TCP10L: variants seen among roughly 807,000 people sequenced by gnomAD.
TCP10L encodes t-complex 10 like, also known as T-complex protein 10A homolog 1.
A neutral mutation model predicts 19.2 loss-of-function variants in TCP10L; 11 were observed. The ratio of observed to expected loss-of-function variants is 0.57; its 90% CI spans 0.36 to 0.95. The LOEUF is 0.95. Among genes scored for constraint, TCP10L ranks in the 40% least tolerant of loss-of-function variants. TCP10L has a pLI of 0.01. For missense variants in TCP10L, 247 were observed against 263.9 expected (o/e 0.94, Z 0.44); for synonymous variants, 96 against 97.2 (o/e 0.99, Z 0.07).
At chr21:32,583,391 C>A (rs1441077223) in intron 2 of TCP10L, among the ~76,000 whole-genome samples, 4 of 151,678 alleles carry the variant, frequency 2.6e-5, no homozygotes, top group African/African-American at 9.7e-5. Flanking sequence ...AGATCGAGAC[C>A]ATCCCGGCTA....
At position 32,582,475 on chromosome 21, in the gene TCP10L, C is replaced by T. The variant is rs2038506953; in HGVS notation, c.145-60G>A. 1 of 1,502,652 alleles carries T rather than the reference C, an allele frequency of 6.7e-7. No homozygotes were observed. The highest frequency in any genetic ancestry group is 9.1e-7 in the Non-Finnish European group (1 of 1,104,664). 93.1% of individuals were successfully genotyped at this position (1,502,652 alleles called of 1,614,324 possible). A position where few individuals can be genotyped will look rare whatever the true frequency, so the allele number is the denominator to read the frequency against. On this transcript the variant is annotated intron_variant, in intron 2 of 4. Coordinates refer to ENST00000300258, the MANE Select transcript of TCP10L (RefSeq NM_144659.7). The surrounding 1 kb of genome is among the most constrained non-coding windows in gnomAD (Gnocchi z 4.2). Reference sequence around the variant, plus strand: ...CAGATGTCACAATGGGCACATTTATCTGCAAAATACTCAAGCCCTCTCTGA... The same window carrying T: ...CAGATGTCACAATGGGCACATTTATTTGCAAAATACTCAAGCCCTCTCTGA...
chr21:32,585,316 C>G (rs1465208505), intron 1 of TCP10L, 105 bp downstream of exon 1: 1 of 283,550 alleles, frequency 3.5e-6, no homozygotes, highest in Non-Finnish European at 7.1e-6. Context: ...TTCTTTCCTG[C>G]TCCTCTGAGG....
chr21:32,578,711 T>C lies in TCP10L; in HGVS notation c.481A>G (p.Asn161Asp). 1 of 1,614,040 alleles carries C rather than the reference T, an allele frequency of 6.2e-7. No homozygotes were observed. The highest frequency in any genetic ancestry group is 8.5e-7 in the Non-Finnish European group (1 of 1,180,020). Residue 161 changes from asparagine (N) to aspartate (D), a missense_variant, in exon 4 of 5, where the codon AAT (asparagine) becomes GAT (aspartate). Transcript: ENST00000300258. The surrounding 1 kb of genome is among the most constrained non-coding windows in gnomAD (Gnocchi z 4.2). ...TLLGQRSSSN[N>D]SAPPKPMSLK... The stretch of plus-strand genomic sequence containing the variant: ...AGGGTCACCTTTGGAGGAGCTGAAT[T>C]GTTAGATGACGATCTTTGTCCCAGG...
rs2038455045 is a variant in TCP10L, at chr21:32,578,186, T to C, written c.498+508A>G. Among the ~76,000 whole-genome samples the C allele has an allele frequency of 6.6e-6, 1 of 152,234 alleles. No individual in the cohort carries two copies. The highest frequency in any genetic ancestry group is 2.1e-4 in the South Asian group (1 of 4,830). On this transcript the variant is annotated intron_variant, in intron 4 of 4. Coordinates refer to ENST00000300258, the MANE Select transcript of TCP10L (RefSeq NM_144659.7). The surrounding 1 kb of genome is among the most constrained non-coding windows in gnomAD (Gnocchi z 4.2). ...TTTGTGGCCAGTTTTGGGGCCAGTT[T>C]ATGGCCAGATCTGGGGGCCTATTCC...
At chr21:32,585,239 C>A (rs930177736) in intron 1 of TCP10L, among the ~76,000 whole-genome samples, 182 bp downstream of exon 1, 2 of 152,200 alleles carry the variant, frequency 1.3e-5, no homozygotes, top group Non-Finnish European at 2.9e-5. Flanking sequence ...TCCTTCCCCG[C>A]GGAGACTGGG....
At chr21:32,580,893 G>C (rs1170384069) in intron 3 of TCP10L, among the ~76,000 whole-genome samples, 3 of 152,196 alleles carry the variant, frequency 2.0e-5, no homozygotes, top group Non-Finnish European at 4.4e-5. Context: ...TTCTTCGTTC[G>C]GGATAGAGCA....
Position 32,578,006 on chromosome 21 carries a change from T to A in TCP10L, c.498+688A>T, listed in dbSNP as rs2038453413. The stretch of plus-strand genomic sequence containing the variant: ...CAGAAACATGTCCTTAAGGCACAGA[T>A]CGCTCATGCTACTGTTTGTGGTTTA... On this transcript the variant is annotated intron_variant, in intron 4 of 4. Coordinates refer to ENST00000300258, the MANE Select transcript of TCP10L (RefSeq NM_144659.7). The surrounding 1 kb of genome is among the most constrained non-coding windows in gnomAD (Gnocchi z 4.2). Among the ~76,000 whole-genome samples, 1 of 152,246 alleles carries A rather than the reference T, an allele frequency of 6.6e-6. No homozygotes were observed. The highest frequency in any genetic ancestry group is 2.1e-4 in the South Asian group (1 of 4,830).
At chr21:32,580,057 A>G (rs2038475037) in intron 3 of TCP10L, among the ~76,000 whole-genome samples, 1 of 152,162 alleles carries the variant, frequency 6.6e-6, no homozygotes, top group Non-Finnish European at 1.5e-5. Flanking sequence ...ATAACTTCCA[A>G]GATTTCCCGT....
intron 3 of TCP10L, among the ~76,000 whole-genome samples, chr21:32,581,815 G>A (rs1202131875): frequency 6.6e-6 from 1 of 152,152 alleles, no homozygotes; most frequent in African/African-American, 2.4e-5. Context: ...GGCCACGATG[G>A]GGTTAGTAAT....
chr21:32,581,097 G>A (rs1054530508), intron 3 of TCP10L, among the ~76,000 whole-genome samples: 8 of 152,192 alleles, frequency 5.3e-5, no homozygotes, highest in African/African-American at 1.4e-4. Flanking sequence ...AGACCCTAGC[G>A]GGCAGAGACC....
chr21:32,583,800 G>A (rs998293468), intron 2 of TCP10L, among the ~76,000 whole-genome samples: 1 of 132,872 alleles, frequency 7.5e-6, no homozygotes, highest in African/African-American at 3.1e-5. Flanking sequence ...CTGTCCAACA[G>A]GGTCCAATGA....
At chr21:32,577,053 G>C (rs905170669) in intron 4 of TCP10L, 130 bp from the exon 5 acceptor site, 2 of 951,272 alleles carry the variant, frequency 2.1e-6, no homozygotes, top group African/African-American at 3.3e-5. Context: ...AAGGACACAT[G>C]AGGTATCCAC....
intron 3 of TCP10L, among the ~76,000 whole-genome samples, chr21:32,581,941 T>C (rs1351824519): frequency 6.6e-6 from 1 of 152,170 alleles, no homozygotes; most frequent in Non-Finnish European, 1.5e-5. Flanking sequence ...ATGAGATGTC[T>C]TAGAATTCTG....
At chr21:32,577,767 C>T in intron 4 of TCP10L, 1 of 152,368 alleles carries the variant, frequency 6.6e-6, no homozygotes, top group African/African-American at 2.4e-5. Context: ...GAATTAAAGA[C>T]ATACGCACGG....
At chr21:32,583,325 C>T (rs1010516044) in intron 2 of TCP10L, among the ~76,000 whole-genome samples, 7 of 151,928 alleles carry the variant, frequency 4.6e-5, no homozygotes, top group Non-Finnish European at 1.0e-4. Flanking sequence ...CGCGGTGGCT[C>T]ACGCCTGTAA....
chr21:32,580,297 G>A (rs542099365), intron 3 of TCP10L, among the ~76,000 whole-genome samples: 5 of 151,696 alleles, frequency 3.3e-5, no homozygotes, highest in Non-Finnish European at 5.9e-5. Flanking sequence ...TAGTAGAGAC[G>A]GGGTTTCACC....
chr21:32,584,023 G>A, intron 2 of TCP10L, 138 bp downstream of exon 2: 1 of 1,168,728 alleles, frequency 8.6e-7, no homozygotes, highest in East Asian at 2.7e-5. Flanking sequence ...CCCTTGGAGA[G>A]GAAGTACAGA....
chr21:32,581,803 G>T (rs902273662), intron 3 of TCP10L, among the ~76,000 whole-genome samples: 1 of 152,162 alleles, frequency 6.6e-6, no homozygotes, highest in African/African-American at 2.4e-5. Context: ...TCTCCAGCCC[G>T]TGGCCACGAT....
At chr21:32,581,977 G>A (rs766515434) in intron 3 of TCP10L, among the ~76,000 whole-genome samples, 11 of 152,220 alleles carry the variant, frequency 7.2e-5, no homozygotes, top group East Asian at 1.9e-4. Context: ...GCCTGGGGGC[G>A]GCAATGCTTC....
Sources: gnomAD v4.1 joint callset for allele counts (sites outside exome capture counted in the v4.1 genomes callset) on GRCh38, gnomAD v4.1.1 for gene constraint, Gnocchi (gnomAD v3.1) non-coding constraint, MANE v1.5 for transcripts, NCBI Gene and HGNC (gene_info 2026-07-23, HGNC 2026-07-21) for gene names.